The following THSD7B variants were observed in gnomAD, a reference collection of about 807,000 sequenced individuals.
The protein encoded by THSD7B is thrombospondin type-1 domain-containing protein 7B.
Under a neutral mutation model 213.6 loss-of-function variants are expected in THSD7B, and 138 were observed. The ratio of observed to expected loss-of-function variants is 0.65; its 90% CI spans 0.56 to 0.74. THSD7B has a LOEUF of 0.74. Ranked by LOEUF, THSD7B falls within the 30% of genes least tolerant of loss-of-function variation. THSD7B has a pLI of 0.00. For missense variants in THSD7B, 1,931 were observed against 1,991.5 expected, an observed-to-expected ratio of 0.97 and a Z score of 0.58; for synonymous variants, 742 against 687.0, an observed-to-expected ratio of 1.08 and a Z score of -1.25.
At chr2:137,053,026 C>T (rs956889498) in intron 2 of THSD7B, among the ~76,000 whole-genome samples, 1 of 152,094 alleles carries the variant, frequency 6.6e-6, no homozygotes, top group Non-Finnish European at 1.5e-5. Context: ...TTTGACTCTG[C>T]CTTTCTAAAT....
At chr2:137,503,941 C>T (rs990827338) in intron 15 of THSD7B, among the ~76,000 whole-genome samples, 6 of 150,984 alleles carry the variant, frequency 4.0e-5, no homozygotes, top group Non-Finnish European at 5.9e-5. Flanking sequence ...GCAGGAGAAT[C>T]GCTTGAACCT....
intron 17 of THSD7B, among the ~76,000 whole-genome samples, chr2:137,584,873 C>T (rs1384919135): frequency 1.3e-5 from 2 of 152,162 alleles, no homozygotes; most frequent in Non-Finnish European, 2.9e-5. Flanking sequence ...CGAGGATTCC[C>T]TCTTTTTCTA....
In THSD7B at chr2:136,882,263, T is replaced by C; in HGVS notation, c.85T>C (p.Ser29Pro). Reference protein sequence around the residue: ...KLFLLLSLLLSHAAHLEGKKD... With the variant: ...KLFLLLSLLLPHAAHLEGKKD... ...CTTTCTATTGCTTTCTCTCTTGCTG[T>C]CCCATGCAGCTCATTTGGAAGGCAA... Residue 29 changes from serine to proline, a missense_variant, in exon 2 of 28, where the codon TCC becomes CCC. Coordinates refer to ENST00000409968, the MANE Select transcript of THSD7B (RefSeq NM_001316349.2). 1 of 1,545,254 alleles carries C rather than the reference T, an allele frequency of 6.5e-7. No homozygotes were observed. Among genetic ancestry groups the C allele is most frequent in the Non-Finnish European group, 8.7e-7 (1 of 1,144,702 alleles).
intron 12 of THSD7B, among the ~76,000 whole-genome samples, chr2:137,378,236 G>T (rs1685702982): frequency 6.6e-6 from 1 of 152,132 alleles, no homozygotes; most frequent in Non-Finnish European, 1.5e-5. Context: ...TAAAGAATAT[G>T]ATTTATATGC....
At chr2:137,129,855 T>C (rs1213883433) in intron 5 of THSD7B, among the ~76,000 whole-genome samples, 1 of 152,236 alleles carries the variant, frequency 6.6e-6, no homozygotes, top group Non-Finnish European at 1.5e-5. Context: ...GGGTCCTAAC[T>C]TATGAAATAG....
At chr2:137,489,209 G>A (rs1293040229) in intron 15 of THSD7B, among the ~76,000 whole-genome samples, 1 of 151,856 alleles carries the variant, frequency 6.6e-6, no homozygotes, top group Admixed American at 6.6e-5. Context: ...GGTGGATCAC[G>A]AGGTCAGGAG....
intron 2 of THSD7B, among the ~76,000 whole-genome samples, chr2:136,901,497 G>A (rs769086968): frequency 1.3e-5 from 2 of 152,154 alleles, no homozygotes; most frequent in African/African-American, 4.8e-5. Context: ...TGAAGTAGAC[G>A]ATAAGGTCAC....
chr2:137,589,916 G>A (rs1034682444), intron 17 of THSD7B, among the ~76,000 whole-genome samples: 2 of 152,088 alleles, frequency 1.3e-5, no homozygotes, highest in Non-Finnish European at 2.9e-5. Flanking sequence ...TCGTCTTAAG[G>A]AACAAAAGAC....
At chr2:137,327,843 A>G (rs908748125) in intron 12 of THSD7B, among the ~76,000 whole-genome samples, 3 of 152,214 alleles carry the variant, frequency 2.0e-5, no homozygotes, top group South Asian at 2.1e-4. Context: ...AAAGCTGTCA[A>G]CATCCACAGA....
chr2:137,600,972 A>C lies in THSD7B; in HGVS notation c.3424-15203A>C, dbSNP rs1196921742. On this transcript the variant is annotated intron_variant, in intron 17 of 27. Transcript: ENST00000409968. The stretch of plus-strand genomic sequence containing the variant: ...TATTTATATCTTAGTTTTCAGCAAC[A>C]AAAAAAGTTTAAATAGGAAAAAAAT... 3.9e-5 allele frequency among the ~76,000 whole-genome samples: 6 copies of C among 152,284 alleles called. No individual in the cohort carries two copies. The East Asian group carries it at 1.2e-3, about 29-fold the overall frequency.
At chr2:137,649,035 T>C (rs1683090071) in intron 21 of THSD7B, among the ~76,000 whole-genome samples, 1 of 152,214 alleles carries the variant, frequency 6.6e-6, no homozygotes, top group African/African-American at 2.4e-5. Context: ...TTGAACTTTT[T>C]TTTCATATGG....
At chr2:136,867,441 C>T (rs1683350704) in intron 1 of THSD7B, among the ~76,000 whole-genome samples, 1 of 152,098 alleles carries the variant, frequency 6.6e-6, no homozygotes. Flanking sequence ...TTTAATGGAC[C>T]TTCCCCTTTT....
At chr2:136,807,114 C>T (rs939520839) in intron 1 of THSD7B, among the ~76,000 whole-genome samples, 3 of 152,140 alleles carry the variant, frequency 2.0e-5, no homozygotes, top group Admixed American at 6.5e-5. Context: ...TGGGAGGCTT[C>T]TTCATTGCAC....
intron 7 of THSD7B, among the ~76,000 whole-genome samples, chr2:137,180,731 A>G (rs1680437974): frequency 6.6e-6 from 1 of 152,220 alleles, no homozygotes; most frequent in Admixed American, 6.5e-5. Flanking sequence ...CAGGACTCCA[A>G]ACCAGTGCTT....
chr2:137,440,302 C>T (rs1687376116), intron 14 of THSD7B, among the ~76,000 whole-genome samples: 1 of 152,068 alleles, frequency 6.6e-6, no homozygotes, highest in Non-Finnish European at 1.5e-5. Context: ...CCAACACTGG[C>T]TGGTAGCATA....
chr2:137,303,692 A>ATTTATATATATTTATATATATATT lies in THSD7B; in HGVS notation c.2500+27668_2500+27691dup, dbSNP rs1573946121. Among the ~76,000 whole-genome samples, 12 of 100,406 alleles carry ATTTATATATATTTATATATATATT rather than the reference A, an allele frequency of 1.2e-4. 1 individual carries two copies. In the South Asian group the frequency reaches 1.3e-3, roughly 11 times the overall value. The allele number at this position is 100,406 out of a possible 152,430, so 65.9% of individuals were successfully genotyped here. ...TATATTAATATATATATTTATATAT[A>ATTTATATATATTTATATATATATT]TTTATATATATTTATATATATATTT... On this transcript the variant is annotated intron_variant, in intron 12 of 27. Transcript: ENST00000409968.
At chr2:137,433,574 G>A (rs879281886) in intron 14 of THSD7B, among the ~76,000 whole-genome samples, 17 of 151,814 alleles carry the variant, frequency 1.1e-4, no homozygotes, top group Admixed American at 2.0e-4. Context: ...GGCTGGTCTC[G>A]AACTCCTGAC....
intron 12 of THSD7B, among the ~76,000 whole-genome samples, chr2:137,286,028 C>T (rs755613770): frequency 4.0e-5 from 6 of 150,886 alleles, no homozygotes; most frequent in Non-Finnish European, 7.4e-5. Context: ...CACTTGAACC[C>T]GGGAGGTGGA....
intron 4 of THSD7B, among the ~76,000 whole-genome samples, chr2:137,098,707 C>T (rs1258922512): frequency 6.6e-6 from 1 of 152,126 alleles, no homozygotes; most frequent in East Asian, 1.9e-4. Flanking sequence ...AATAAATCTT[C>T]AGTTGCATGG....
Sources: gnomAD v4.1 joint callset for allele counts (sites outside exome capture counted in the v4.1 genomes callset) on GRCh38, gnomAD v4.1.1 for gene constraint, MANE v1.5 for transcripts, NCBI Gene and HGNC (gene_info 2026-07-23, HGNC 2026-07-21) for gene names.